Variants in SIX4 observed in about 807,000 individuals in gnomAD.
SIX4 encodes the protein SIX homeobox 4, also known as homeobox protein SIX4.
Under a neutral mutation model 51.5 loss-of-function variants are expected in SIX4, and 23 were observed. The ratio of observed to expected loss-of-function variants is 0.45; its 90% confidence interval spans 0.32 to 0.63. SIX4 has a LOEUF of 0.63. SIX4 is among the 30% of genes least tolerant of loss of function. The probability of loss-of-function intolerance (pLI) is 0.04; values close to 1 mark genes in which losing one functional copy is unlikely to be tolerated. For synonymous variants in SIX4, 413 were observed against 417.3 expected, an observed-to-expected ratio of 0.99 and a Z score of 0.13; for missense variants, 867 against 984.0, an observed-to-expected ratio of 0.88 and a Z score of 1.59.
chr14:60,720,427 G>A lies in SIX4; in HGVS notation c.882C>T (p.Pro294=), dbSNP rs750285881. Residue 294 remains proline, a synonymous_variant, in exon 2 of 3, where the codon CCC becomes CCT. Coordinates refer to ENST00000216513, the MANE Select transcript of SIX4 (RefSeq NM_017420.5). This position sits in a 1 kb window ranked among gnomAD's most constrained non-coding sequence, Gnocchi z 5.5. ...TQSKSESDGN[P]STEDESSKGH... ...CCTTGCTGGATTCATCTTCAGTGCT[G>A]GGGTTGCCATCTGACTCACTGTATG... The A allele has an allele frequency of 6.8e-6, 11 of 1,613,260 alleles. No homozygotes were observed. Among genetic ancestry groups the A allele is most frequent in the Non-Finnish European group, 7.6e-6 (9 of 1,179,614 alleles).
Position 60,713,683 on chromosome 14 carries a change from A to G in SIX4, c.2070T>C (p.Pro690=). Residue 690 remains proline, a synonymous_variant, in exon 3 of 3, where the codon CCT becomes CCC. Coordinates refer to ENST00000216513, the MANE Select transcript of SIX4 (RefSeq NM_017420.5). ...MTQAALGEIV[P]TAEDQVGHPS... The stretch of plus-strand genomic sequence containing the variant: ...GGTGACCTACCTGATCTTCAGCTGT[A>G]GGAACTATTTCCCCAAGGGCAGCCT... 1 of 1,614,252 alleles carries G rather than the reference A, an allele frequency of 6.2e-7. No individual in the cohort carries two copies.
At chr14:60,721,897 G>C (rs1039492681) in intron 1 of SIX4, among the ~76,000 whole-genome samples, 1 of 152,230 alleles carries the variant, frequency 6.6e-6, no homozygotes, top group Non-Finnish European at 1.5e-5. Context: ...GCACATCCCG[G>C]TGCACCTTTT....
intron 2 of SIX4, among the ~76,000 whole-genome samples, chr14:60,715,753 T>C (rs539338934): frequency 1.3e-5 from 2 of 152,320 alleles, no homozygotes; most frequent in African/African-American, 2.4e-5. Flanking sequence ...TACATAGGCA[T>C]GAGATGATGG....
Position 60,720,465 on chromosome 14 carries a change from A to C in SIX4, c.864-20T>G, listed in dbSNP as rs180904069. The C allele has an allele frequency of 6.3e-7, 1 of 1,598,778 alleles. No homozygotes were observed. The highest frequency in any genetic ancestry group is 1.7e-5 in the Admixed American group (1 of 58,138). ...GACTCACTGTATGGAGGGGGAAATC[A>C]AAATGTTCAGAAGGTCAGGGGGATG... On this transcript the variant is annotated intron_variant, in intron 1 of 2. Transcript: ENST00000216513. This position sits in a 1 kb window ranked among gnomAD's most constrained non-coding sequence, Gnocchi z 5.5.
Position 60,724,126 on chromosome 14 carries a change from T to C in SIX4, c.-52A>G. ...CTCACTCCCTCGCACTCTTTTCCTC[T>C]TTCTTTCCTCCTCTCTTACTCCTCC... On this transcript the variant is annotated 5_prime_UTR_variant, in exon 1 of 3. Transcript: ENST00000216513. 10 of 1,602,184 alleles carry C rather than the reference T, an allele frequency of 6.2e-6. No individual in the cohort carries two copies. The highest frequency in any genetic ancestry group is 8.5e-6 in the Non-Finnish European group (10 of 1,174,006).
chr14:60,717,954 G>A lies in SIX4; in HGVS notation c.1549+1806C>T. 4.7e-6 allele frequency: 1 copy of A among 212,430 alleles called. No individual in the cohort carries two copies. The highest frequency in any genetic ancestry group is 9.5e-6 in the Non-Finnish European group (1 of 105,530). The allele number at this position is 212,430 out of a possible 1,614,324, so 13.2% of individuals were successfully genotyped here. A position where few individuals can be genotyped will look rare whatever the true frequency, so the allele number is the denominator to read the frequency against. On this transcript the variant is annotated intron_variant, in intron 2 of 2. Transcript: ENST00000216513. This position sits in a 1 kb window ranked among gnomAD's most constrained non-coding sequence, Gnocchi z 4.6. ...TTGAACACGGGAGGCAGAGGCTGCA[G>A]TGAGCCGAGATCGCGCCACTGTACT...
chr14:60,713,454 C>T lies in SIX4; in HGVS notation c.2299G>A (p.Ala767Thr), dbSNP rs1895858584. 2 of 1,613,722 alleles carry T rather than the reference C, an allele frequency of 1.2e-6. No individual in the cohort carries two copies. The highest frequency in any genetic ancestry group is 4.5e-5 in the East Asian group (2 of 44,890). The change falls in exon 3 of 3, where the codon GCC becomes ACC. Residue 767 changes from alanine (A) to threonine (T), a missense_variant. Transcript: ENST00000216513. ...EDLETDKKEL[A>T]KLQTVQLDED... ...TCCAGCTGGACAGTCTGGAGCTTGG[C>T]AAGCTCTTTTTTGTCTGTTTCCAGG... is the stretch of plus-strand genomic sequence containing the variant.
At chr14:60,715,442 A>C (rs1018872698) in intron 2 of SIX4, among the ~76,000 whole-genome samples, 4 of 152,252 alleles carry the variant, frequency 2.6e-5, no homozygotes, top group Admixed American at 6.5e-5. Context: ...CAAAACATTC[A>C]AAAGCTTTTT....
rs1895819185 is a variant in SIX4, at chr14:60,711,443, T to C, written c.*1964A>G. On this transcript the variant is annotated 3_prime_UTR_variant, in exon 3 of 3. Transcript: ENST00000216513. Reference sequence around the variant, plus strand: ...TCCCTTATTCAACATGCTTGATTGATTGACATGTAGAGAACTAGAGTGGGC... The same window carrying C: ...TCCCTTATTCAACATGCTTGATTGACTGACATGTAGAGAACTAGAGTGGGC... The C allele has an allele frequency of 1.3e-5, 2 of 152,068 alleles. No homozygotes were observed. Among genetic ancestry groups the C allele is most frequent in the South Asian group, 4.2e-4 (2 of 4,818 alleles). 9.4% of individuals were successfully genotyped at this position (152,068 alleles called of 1,614,324 possible).
In SIX4 at chr14:60,722,031, C is replaced by A. The variant is rs973960980; in HGVS notation, c.863+1181G>T. ...CAGAAGCGGCAAGGGCGGGCTGAGACCGGCTCTGGAATGCGCTGGTGATCA... is the reference window on the plus strand; with the variant it reads ...CAGAAGCGGCAAGGGCGGGCTGAGAACGGCTCTGGAATGCGCTGGTGATCA... On this transcript the variant is annotated intron_variant, in intron 1 of 2. Coordinates refer to ENST00000216513, the MANE Select transcript of SIX4 (RefSeq NM_017420.5). The surrounding 1 kb of genome is among the most constrained non-coding windows in gnomAD (Gnocchi z 5.9). Among the ~76,000 whole-genome samples the A allele has an allele frequency of 2.6e-5, 4 of 152,234 alleles. No individual in the cohort carries two copies. The highest frequency in any genetic ancestry group is 9.6e-5 in the African/African-American group (4 of 41,476).
rs920436937 is a variant in SIX4 at position 60,709,643 on chromosome 14, T to C, written c.*3764A>G. ...TAATTGTCCAGGCATAAACCCCCATTACAGTACGACATACATACTTCAGAT... is the reference window on the plus strand; with the variant it reads ...TAATTGTCCAGGCATAAACCCCCATCACAGTACGACATACATACTTCAGAT... On this transcript the variant is annotated 3_prime_UTR_variant, in exon 3 of 3. Coordinates refer to ENST00000216513, the MANE Select transcript of SIX4 (RefSeq NM_017420.5). The surrounding 1 kb of genome is among the most constrained non-coding windows in gnomAD (Gnocchi z 4.1). 2.0e-5 allele frequency: 3 copies of C among 152,612 alleles called. No homozygotes were observed. Among genetic ancestry groups the C allele is most frequent in the Non-Finnish European group, 4.4e-5 (3 of 68,028 alleles). 9.5% of individuals were successfully genotyped at this position (152,612 alleles called of 1,614,324 possible).
At chr14:60,721,406 C>T (rs1234624051) in intron 1 of SIX4, among the ~76,000 whole-genome samples, 1 of 152,196 alleles carries the variant, frequency 6.6e-6, no homozygotes, top group South Asian at 2.1e-4. Flanking sequence ...ATCCGACATC[C>T]CCGCAGTGCC....
At position 60,711,361 on chromosome 14, in the gene SIX4, G is replaced by T. The variant is rs998550001; in HGVS notation, c.*2046C>A. 6.6e-6 allele frequency: 1 copy of T among 152,048 alleles called. No homozygotes were observed. The highest frequency in any genetic ancestry group is 1.5e-5 in the Non-Finnish European group (1 of 68,008). 9.4% of individuals were successfully genotyped at this position (152,048 alleles called of 1,614,324 possible). A position where few individuals can be genotyped will look rare whatever the true frequency, so the allele number is the denominator to read the frequency against. On this transcript the variant is annotated 3_prime_UTR_variant, in exon 3 of 3. Transcript: ENST00000216513. Reference sequence around the variant, plus strand: ...TGATGGGAGAGGAATTCTTCATAGGGTTCTTGATATATGCCTGCAAGTTCC... The same window carrying T: ...TGATGGGAGAGGAATTCTTCATAGGTTTCTTGATATATGCCTGCAAGTTCC...
At chr14:60,715,349 C>T (rs143196136) in intron 2 of SIX4, among the ~76,000 whole-genome samples, 1 of 152,066 alleles carries the variant, frequency 6.6e-6, no homozygotes, top group South Asian at 2.1e-4. Context: ...AATGAGTTAC[C>T]CTGGGGCTTA....
rs1042312414 is a variant in SIX4, at chr14:60,723,798, T to A, written c.277A>T (p.Arg93Trp). ...QVQLHSELLGRHHHAAAAAAQ... is the reference protein window; with the variant it reads ...QVQLHSELLGWHHHAAAAAAQ... ...GCGGCGGCGGCGGCGTGGTGGTGCC[T>A]GCCCAGAAGTTCCGAGTGGAGTTGT... Residue 93 changes from arginine to tryptophan, a missense_variant, in exon 1 of 3, where the codon AGG becomes TGG. Coordinates refer to ENST00000216513, the MANE Select transcript of SIX4 (RefSeq NM_017420.5). 6.5e-7 allele frequency: 1 copy of A among 1,537,154 alleles called. No homozygotes were observed. The highest frequency in any genetic ancestry group is 8.7e-7 in the Non-Finnish European group (1 of 1,147,818).
chr14:60,713,314 GT>G lies in SIX4; in HGVS notation c.*92del. 1 of 1,369,450 alleles carries G rather than the reference GT, an allele frequency of 7.3e-7. No homozygotes were observed. Among genetic ancestry groups the G allele is most frequent in the Non-Finnish European group, 9.9e-7 (1 of 1,013,184 alleles). The allele number at this position is 1,369,450 out of a possible 1,614,324, so 84.8% of individuals were successfully genotyped here. A position where few individuals can be genotyped will look rare whatever the true frequency, so the allele number is the denominator to read the frequency against. ...ATGCATATACTTGCAAAACTAGAGTGTTTTCCTTTAAATGGGAAAATGTTTT... is the reference window on the plus strand; with the variant it reads ...ATGCATATACTTGCAAAACTAGAGTGTTTCCTTTAAATGGGAAAATGTTTT... On this transcript the variant is annotated 3_prime_UTR_variant, in exon 3 of 3. Coordinates refer to ENST00000216513, the MANE Select transcript of SIX4 (RefSeq NM_017420.5).
intron 1 of SIX4, among the ~76,000 whole-genome samples, chr14:60,721,973 C>T (rs534125006): frequency 2.1e-4 from 32 of 152,302 alleles, no homozygotes; most frequent in African/African-American, 6.0e-4. Flanking sequence ...CGAGGAACGC[C>T]GGAGCCCGAG....
In SIX4 at chr14:60,723,915, C is replaced by G. The variant is rs2140273779; in HGVS notation, c.160G>C (p.Glu54Gln). Residue 54 changes from glutamate to glutamine, a missense_variant, in exon 1 of 3, where the codon GAG becomes CAG. Transcript: ENST00000216513. ...GCAGCGGTCGCGGCGTCCCCCGGCT[C>G]CAGGGGAAAAGGGGCTGGAGCCGGG... ...SPPAPAPFPL[E>Q]PGDAATAAAR... 6.6e-7 allele frequency: 1 copy of G among 1,517,716 alleles called. No individual in the cohort carries two copies. Among genetic ancestry groups the G allele is most frequent in the East Asian group, 2.4e-5 (1 of 42,114 alleles). The allele number at this position is 1,517,716 out of a possible 1,614,324, so 94.0% of individuals were successfully genotyped here.
rs767010402 is a variant in SIX4 at position 60,713,598 on chromosome 14, C to T, written c.2155G>A (p.Ala719Thr). ...GATAAGAAATTCTCTTTCATGTTAG[C>T]TACCGATTGCAGAACCAAACGATGT... ...QEHRLVLQSV[A>T]NMKENFLSNS... The change falls in exon 3 of 3, where the codon GCT becomes ACT. Residue 719 changes from alanine to threonine, a missense_variant. By Grantham distance (58) the Ala-to-Thr change is moderately conservative. Transcript: ENST00000216513. 1.6e-5 allele frequency: 26 copies of T among 1,614,084 alleles called. No homozygotes were observed. Among genetic ancestry groups the T allele is most frequent in the Non-Finnish European group, 2.0e-5 (24 of 1,180,052 alleles).
Sources: gnomAD v4.1 joint callset for allele counts (sites outside exome capture counted in the v4.1 genomes callset) on GRCh38, gnomAD v4.1.1 for gene constraint, Gnocchi (gnomAD v3.1) non-coding constraint, MANE v1.5 for transcripts, NCBI Gene and HGNC (gene_info 2026-07-23, HGNC 2026-07-21) for gene names.